Variants in CAPS2 observed in about 807,000 individuals in gnomAD.
CAPS2 encodes calcyphosine 2, also known as calcyphosin-2.
A neutral mutation model predicts 86.5 loss-of-function variants in CAPS2; 98 were observed. The ratio of observed to expected loss-of-function variants is 1.13; its 90% CI spans 0.96 to 1.34. The LOEUF (loss-of-function observed/expected upper bound fraction) is 1.34. Ranked by LOEUF, CAPS2 falls within the 40% of genes most tolerant of loss-of-function variation. The pLI is 0.00. For missense variants in CAPS2, 729 were observed against 686.8 expected (o/e 1.06, Z -0.69); for synonymous variants, 210 against 225.1 (o/e 0.93, Z 0.60).
intron 1 of CAPS2, among the ~76,000 whole-genome samples, chr12:75,355,693 C>A (rs541283562): frequency 6.6e-6 from 1 of 152,096 alleles, no homozygotes; most frequent in Non-Finnish European, 1.5e-5. Flanking sequence ...TTCAGCGCAG[C>A]ACTATTTATA....
chr12:75,382,852 G>T (rs1196476972), intron 1 of CAPS2, among the ~76,000 whole-genome samples: 1 of 152,126 alleles, frequency 6.6e-6, no homozygotes, highest in Non-Finnish European at 1.5e-5. Flanking sequence ...TATATAAGTA[G>T]CAGAATTTAA....
intron 8 of CAPS2, among the ~76,000 whole-genome samples, chr12:75,303,500 G>T (rs2038071764): frequency 6.6e-6 from 1 of 152,198 alleles, no homozygotes; most frequent in African/African-American, 2.4e-5. Flanking sequence ...ACTGGCAATT[G>T]TCTGTTTCTT....
At chr12:75,302,601 T>C (rs1380192999) in intron 8 of CAPS2, among the ~76,000 whole-genome samples, 3 of 152,058 alleles carry the variant, frequency 2.0e-5, no homozygotes, top group Admixed American at 6.5e-5. Context: ...ATCAAGAGAA[T>C]GAAAAGGTAA....
chr12:75,388,253 T>G (rs184325825), intron 1 of CAPS2, among the ~76,000 whole-genome samples: 29 of 152,338 alleles, frequency 1.9e-4, no homozygotes, highest in Admixed American at 1.8e-3. Context: ...TCTTCCACTA[T>G]GATTGCGAGG....
chr12:75,301,175 T>C (rs889817988), intron 8 of CAPS2, among the ~76,000 whole-genome samples: 1 of 152,232 alleles, frequency 6.6e-6, no homozygotes, highest in Non-Finnish European at 1.5e-5. Context: ...TCTCCTTTGC[T>C]TCACAAATAA....
intron 11 of CAPS2, 64 bp from the exon 12 acceptor site, chr12:75,293,431 A>C: frequency 1.0e-6 from 1 of 956,982 alleles, no homozygotes; most frequent in Non-Finnish European, 1.7e-6. Flanking sequence ...AACTAACATC[A>C]ATTTTAAATA....
At chr12:75,312,692 A>C (rs2039354707) in intron 7 of CAPS2, among the ~76,000 whole-genome samples, 156 bp downstream of exon 7, 1 of 152,230 alleles carries the variant, frequency 6.6e-6, no homozygotes, top group South Asian at 2.1e-4. Context: ...TGTGAAAAAA[A>C]ATGACTAAAA....
chr12:75,340,090 T>C (rs2042002010), intron 1 of CAPS2, among the ~76,000 whole-genome samples: 1 of 151,762 alleles, frequency 6.6e-6, no homozygotes, highest in African/African-American at 2.4e-5. Flanking sequence ...TTTGTTCCTT[T>C]TTATGGCTGA....
exon 17 of CAPS2, chr12:75,277,586 C>G (rs967778825): frequency 4.4e-5 from 43 of 976,958 alleles, no homozygotes; most frequent in Admixed American, 3.7e-4. Flanking sequence ...TATTTTCCCT[C>G]TCATGTTTTA....
intron 12 of CAPS2, among the ~76,000 whole-genome samples, chr12:75,292,698 G>A (rs1057124120): frequency 1.4e-5 from 2 of 144,514 alleles, no homozygotes; most frequent in East Asian, 4.0e-4. Flanking sequence ...TATATAATAT[G>A]TATATATTAT....
chr12:75,285,162 T>C (rs1407509862), intron 14 of CAPS2, 82 bp from the exon 15 acceptor site: 2 of 1,329,062 alleles, frequency 1.5e-6, no homozygotes, highest in Non-Finnish European at 2.1e-6. Flanking sequence ...TTTTGTTACA[T>C]CTTCTGTAGT....
chr12:75,303,856 A>G (rs1348485085), intron 8 of CAPS2, among the ~76,000 whole-genome samples: 1 of 152,330 alleles, frequency 6.6e-6, no homozygotes, highest in East Asian at 1.9e-4. Context: ...ATAGAAAAAG[A>G]GTGCCAGAGT....
intron 1 of CAPS2, among the ~76,000 whole-genome samples, chr12:75,343,482 T>A (rs2042250762): frequency 6.6e-6 from 1 of 152,056 alleles, no homozygotes; most frequent in South Asian, 2.1e-4. Flanking sequence ...ACAGGTAATA[T>A]AACAATGAAC....
intron 1 of CAPS2, among the ~76,000 whole-genome samples, chr12:75,342,425 C>A (rs1411935336): frequency 6.6e-6 from 1 of 152,028 alleles, no homozygotes; most frequent in Non-Finnish European, 1.5e-5. Context: ...TTTGTAACTT[C>A]TTGTGAATTT....
intron 7 of CAPS2, among the ~76,000 whole-genome samples, chr12:75,311,509 C>T (rs1159496912): frequency 2.0e-5 from 3 of 151,726 alleles, no homozygotes; most frequent in African/African-American, 7.3e-5. Context: ...CTTAGAGAAG[C>T]ATCAGAATAT....
At chr12:75,279,877 CT>C (rs2033603695) in intron 16 of CAPS2, among the ~76,000 whole-genome samples, 3 of 151,982 alleles carry the variant, frequency 2.0e-5, no homozygotes, top group South Asian at 4.1e-4. Context: ...AAATTTCCAT[CT>C]TTGTTTACCA....
At chr12:75,320,989 G>A (rs1418765245) in intron 5 of CAPS2, among the ~76,000 whole-genome samples, 1 of 151,962 alleles carries the variant, frequency 6.6e-6, no homozygotes, top group African/African-American at 2.4e-5. Flanking sequence ...AGTGATGGTA[G>A]TTTTTGCACA....
At position 75,367,648 on chromosome 12, in the gene CAPS2, T is replaced by A. The variant is rs1281982488; in HGVS notation, c.-395+23190A>T. Among the ~76,000 whole-genome samples, 3 of 152,168 alleles carry A rather than the reference T, an allele frequency of 2.0e-5. No homozygotes were observed. In the South Asian group the frequency reaches 6.2e-4, roughly 31 times the overall value. Reference sequence around the variant, plus strand: ...CTTAAAAAATTTAAATGCTTTTGTATATTAGTCTATTAACACTTTTACCAA... The same window carrying A: ...CTTAAAAAATTTAAATGCTTTTGTAAATTAGTCTATTAACACTTTTACCAA... On this transcript the variant is annotated intron_variant, in intron 1 of 5. Coordinates refer to the CAPS2 transcript ENST00000551829.
At chr12:75,276,510 T>C (rs1170759087), downstream of CAPS2, 1 of 971,780 alleles carries the variant, frequency 1.0e-6, no homozygotes, top group African/African-American at 1.8e-5. Context: ...TTAGCACATA[T>C]ATTTATATAC....
Sources: allele counts gnomAD v4.1 joint callset (sites outside exome capture counted in the v4.1 genomes callset), GRCh38; gene constraint gnomAD v4.1.1; transcripts MANE v1.5; gene names NCBI Gene and HGNC (gene_info 2026-07-23, HGNC 2026-07-21).